The following ASPH variants were observed in gnomAD, a reference collection of about 807,000 sequenced individuals.
The protein encoded by ASPH is aspartate beta-hydroxylase.
In ASPH, 100 loss-of-function variants were observed where a neutral mutation model predicts 118.4. The observed-to-expected ratio is 0.84, with a 90% CI of 0.72 to 1.00. ASPH has a LOEUF of 1.00. ASPH is among the 50% of genes least tolerant of loss of function. The pLI is 0.00. For missense variants in ASPH, 920 were observed against 919.5 expected, an observed-to-expected ratio of 1.00 and a Z score of -0.01; for synonymous variants, 315 against 325.6, an observed-to-expected ratio of 0.97 and a Z score of 0.35.
At chr8:61,558,509 A>G (rs1828680196) in intron 18 of ASPH, among the ~76,000 whole-genome samples, 1 of 152,214 alleles carries the variant, frequency 6.6e-6, no homozygotes, top group Admixed American at 6.5e-5. Context: ...AAAAAATTAC[A>G]TACACTTCTA....
At chr8:61,660,320 G>C (rs1816178991) in intron 3 of ASPH, 1 of 152,132 alleles carries the variant, frequency 6.6e-6, no homozygotes, top group African/African-American at 2.4e-5. Flanking sequence ...GGTAGAAAAA[G>C]GGGAAACAAA....
At chr8:61,595,402 G>A (rs1314096644) in intron 14 of ASPH, among the ~76,000 whole-genome samples, 1 of 152,172 alleles carries the variant, frequency 6.6e-6, no homozygotes, top group Non-Finnish European at 1.5e-5. Context: ...AGACAAATGA[G>A]ATTATAGATC....
intron 14 of ASPH, among the ~76,000 whole-genome samples, chr8:61,597,745 A>T (rs1842867132): frequency 6.6e-6 from 1 of 152,244 alleles, no homozygotes; most frequent in African/African-American, 2.4e-5. Flanking sequence ...AAGAGCTGAA[A>T]GAAAAAAAAT....
At chr8:61,608,546 A>C (rs1462232326) in intron 14 of ASPH, among the ~76,000 whole-genome samples, 1 of 152,234 alleles carries the variant, frequency 6.6e-6, no homozygotes, top group Non-Finnish European at 1.5e-5. Context: ...GCTTTTCTCA[A>C]ACGATCCTTT....
At chr8:61,541,215 T>A (rs1258987580) in intron 21 of ASPH, among the ~76,000 whole-genome samples, 5 of 151,972 alleles carry the variant, frequency 3.3e-5, no homozygotes, top group South Asian at 4.2e-4. Context: ...AAAAAAAAAA[T>A]TAGCCGGGCA....
intron 13 of ASPH, chr8:61,624,149 T>G (rs1334308554): frequency 3.0e-5 from 25 of 820,172 alleles, no homozygotes; most frequent in Non-Finnish European, 3.2e-5. Flanking sequence ...AATAATTTAT[T>G]GTACATTTTC....
intron 21 of ASPH, among the ~76,000 whole-genome samples, chr8:61,527,105 G>A (rs984846498): frequency 1.8e-4 from 27 of 152,108 alleles, no homozygotes; most frequent in African/African-American, 6.0e-4. Context: ...AAGAATCAGG[G>A]GCAGATCTAT....
At chr8:61,678,325 A>G (rs1235108103) in intron 3 of ASPH, among the ~76,000 whole-genome samples, 2 of 152,138 alleles carry the variant, frequency 1.3e-5, no homozygotes, top group Admixed American at 1.3e-4. Context: ...TAAAGAATGT[A>G]TTTTCAAACA....
At position 61,626,049 on chromosome 8, in the gene ASPH, T is replaced by A. The variant is rs142614209; in HGVS notation, c.935-7030A>T. On this transcript the variant is annotated intron_variant, in intron 13 of 24. Coordinates refer to ENST00000379454, the MANE Select transcript of ASPH (RefSeq NM_004318.4). ...TCCACTAATGCTATCAAAAGGGACATGCAGGAATGTAACATGACATTTTTA... is the reference window on the plus strand; with the variant it reads ...TCCACTAATGCTATCAAAAGGGACAAGCAGGAATGTAACATGACATTTTTA... 1.1e-4 allele frequency: 131 copies of A among 1,233,730 alleles called. 1 individual carries two copies. In the East Asian group the frequency reaches 4.1e-3, roughly 39 times the overall value. The allele number at this position is 1,233,730 out of a possible 1,614,324, so 76.4% of individuals were successfully genotyped here. A position where few individuals can be genotyped will look rare whatever the true frequency, so the allele number is the denominator to read the frequency against.
intron 21 of ASPH, among the ~76,000 whole-genome samples, chr8:61,542,697 T>C (rs1822388694): frequency 6.6e-6 from 1 of 152,244 alleles, no homozygotes; most frequent in Admixed American, 6.5e-5. Flanking sequence ...TGCTCTTTTT[T>C]TTTCTTCATG....
At position 61,698,468 on chromosome 8, in the gene ASPH, C is replaced by T. The variant is rs1333960543; in HGVS notation, c.104-14280G>A. Among the ~76,000 whole-genome samples, 3 of 152,266 alleles carry T rather than the reference C, an allele frequency of 2.0e-5. No homozygotes were observed. The East Asian group carries it at 5.8e-4, about 29-fold the overall frequency. ...ACATGTCATGCCCTCTTTGGGCACA[C>T]TGTCTCCTCTATTAATCTTTGTCAG... is the stretch of plus-strand genomic sequence containing the variant. On this transcript the variant is annotated intron_variant, in intron 1 of 24. Coordinates refer to ENST00000379454, the MANE Select transcript of ASPH (RefSeq NM_004318.4).
At chr8:61,589,860 T>C (rs1261406979) in intron 14 of ASPH, among the ~76,000 whole-genome samples, 1 of 152,154 alleles carries the variant, frequency 6.6e-6, no homozygotes, top group Non-Finnish European at 1.5e-5. Context: ...TAGAGGAATA[T>C]GTGCAATTAT....
chr8:61,578,258 C>T (rs1836024987), intron 15 of ASPH: 15 of 1,583,746 alleles, frequency 9.5e-6, no homozygotes, highest in Non-Finnish European at 1.3e-5. Flanking sequence ...ACAAGGTGTC[C>T]ACCTCTGGCC....
At chr8:61,655,763 TATTG>T (rs1218923300) in intron 3 of ASPH, among the ~76,000 whole-genome samples, 1 of 152,078 alleles carries the variant, frequency 6.6e-6, no homozygotes, top group African/African-American at 2.4e-5. Context: ...GAGCAAAAAA[TATTG>T]ATTATTTTAC....
intron 14 of ASPH, among the ~76,000 whole-genome samples, chr8:61,609,687 A>C (rs1846707898): frequency 6.6e-6 from 1 of 152,176 alleles, no homozygotes. Flanking sequence ...GAAAAATATA[A>C]AAATATCGCA....
At chr8:61,654,524 G>A (rs1238610521) in intron 3 of ASPH, among the ~76,000 whole-genome samples, 2 of 152,162 alleles carry the variant, frequency 1.3e-5, no homozygotes, top group Non-Finnish European at 2.9e-5. Flanking sequence ...TGATGTGAAG[G>A]GCAGTATTCT....
rs1335814935 is a variant in ASPH at position 61,553,069 on chromosome 8, G to T, written c.1588C>A (p.His530Asn). The change falls in exon 20 of 25, where the codon CAC (histidine) becomes AAC (asparagine). Residue 530 changes from histidine to asparagine, a missense_variant. Transcript: ENST00000379454. ...PGTDDGRFYF[H>N]LGDAMQRVGN... ...ACCCTCTGCATGGCATCCCCCAGGTGGAAATAAAATCTCCCATCATCAGTG... is the reference window on the plus strand; with the variant it reads ...ACCCTCTGCATGGCATCCCCCAGGTTGAAATAAAATCTCCCATCATCAGTG... 1 of 1,613,440 alleles carries T rather than the reference G, an allele frequency of 6.2e-7. No homozygotes were observed. Among genetic ancestry groups the T allele is most frequent in the Non-Finnish European group, 8.5e-7 (1 of 1,179,684 alleles).
chr8:61,564,360 A>G (rs1050063634), intron 17 of ASPH, among the ~76,000 whole-genome samples: 2 of 146,506 alleles, frequency 1.4e-5, no homozygotes, highest in African/African-American at 2.5e-5. Flanking sequence ...GTGCAGTGGC[A>G]TGATCTCGGC....
chr8:61,539,528 C>T (rs368555382), intron 21 of ASPH, among the ~76,000 whole-genome samples: 1 of 152,208 alleles, frequency 6.6e-6, no homozygotes, highest in East Asian at 1.9e-4. Flanking sequence ...CAGGATCTTG[C>T]GTTACTTCTC....
Sources: gnomAD v4.1 joint callset for allele counts (sites outside exome capture counted in the v4.1 genomes callset) on GRCh38, gnomAD v4.1.1 for gene constraint, MANE v1.5 for transcripts, NCBI Gene and HGNC (gene_info 2026-07-23, HGNC 2026-07-21) for gene names.